The following TTLL3 variants were observed in gnomAD, a reference collection of about 807,000 sequenced individuals.
The protein encoded by TTLL3 is tubulin tyrosine ligase like 3.
Under a neutral mutation model 75.2 loss-of-function variants are expected in TTLL3, and 63 were observed. The observed-to-expected ratio is 0.84, with a 90% CI of 0.68 to 1.03. The LOEUF is 1.03. Among genes scored for constraint, TTLL3 ranks in the 50% least tolerant of loss-of-function variants. TTLL3 has a pLI of 0.00. For missense variants in TTLL3, 997 were observed against 1,069.9 expected (o/e 0.93, Z 0.95); for synonymous variants, 393 against 418.5 (o/e 0.94, Z 0.74).
At chr3:9,825,666 A>T (rs757473871) in intron 8 of TTLL3, 134 bp from the exon 9 acceptor site, 1 of 1,527,602 alleles carries the variant, frequency 6.5e-7, no homozygotes, top group Non-Finnish European at 8.9e-7. Flanking sequence ...GGAGGGACCT[A>T]TGGATATCTG....
chr3:9,835,739 C>T lies in TTLL3; in HGVS notation c.*250C>T. On this transcript the variant is annotated 3_prime_UTR_variant, in exon 14 of 14. Coordinates refer to ENST00000685419, the MANE Select transcript of TTLL3 (RefSeq NM_001387446.1). ...CTGGGAGCCCCCCAACCCCAGAGAACAAGCCAAGCTAGCAGAATGACACCT... is the reference window on the plus strand; with the variant it reads ...CTGGGAGCCCCCCAACCCCAGAGAATAAGCCAAGCTAGCAGAATGACACCT... 1 of 481,630 alleles carries T rather than the reference C, an allele frequency of 2.1e-6. No individual in the cohort carries two copies. The highest frequency in any genetic ancestry group is 3.6e-6 in the Non-Finnish European group (1 of 274,318). 29.8% of individuals were successfully genotyped at this position (481,630 alleles called of 1,614,324 possible).
rs1355839714 is a variant in TTLL3 at position 9,825,788 on chromosome 3, A to G, written c.855-12A>G. The G allele has an allele frequency of 1.2e-6, 2 of 1,613,716 alleles. No individual in the cohort carries two copies. The highest frequency in any genetic ancestry group is 2.7e-5 in the African/African-American group (2 of 74,778). ...GGTCCAGCCCTGCCCAAGTTCTATC[A>G]TTTCCCCACAGCGAAGGGGCAGAAC... On this transcript the variant is annotated splice_polypyrimidine_tract_variant and intron_variant, in intron 8 of 13. Transcript: ENST00000685419.
chr3:9,823,247 G>A (rs2080662647), intron 8 of TTLL3, among the ~76,000 whole-genome samples: 1 of 152,040 alleles, frequency 6.6e-6, no homozygotes, highest in Non-Finnish European at 1.5e-5. Flanking sequence ...AGCTGGGTGT[G>A]GTGGTGGGTG....
intron 5 of TTLL3, 118 bp downstream of exon 5, chr3:9,816,320 C>G (rs1039652061): frequency 9.0e-7 from 1 of 1,116,588 alleles, no homozygotes; most frequent in Non-Finnish European, 1.2e-6. Context: ...GGGAAGTATA[C>G]AATTCAGAAA....
intron 6 of TTLL3, chr3:9,818,000 GTT>G (rs1237246303): frequency 2.1e-6 from 1 of 470,296 alleles, no homozygotes; most frequent in Admixed American, 3.6e-5. Context: ...TCTAGAGCAG[GTT>G]CTAAAAGTTG....
chr3:9,821,973 A>C (rs2124857262), intron 8 of TTLL3, among the ~76,000 whole-genome samples: 1 of 145,280 alleles, frequency 6.9e-6, no homozygotes, highest in South Asian at 2.4e-4. Flanking sequence ...ACTGTACTCC[A>C]GCCTGGGTGA....
chr3:9,829,621 G>C (rs1169620394), intron 11 of TTLL3, among the ~76,000 whole-genome samples: 1 of 152,182 alleles, frequency 6.6e-6, no homozygotes, highest in Non-Finnish European at 1.5e-5. Context: ...ATGAATTCAT[G>C]TATGAGGATA....
intron 11 of TTLL3, among the ~76,000 whole-genome samples, chr3:9,830,624 G>A (rs894687220): frequency 1.3e-5 from 2 of 152,074 alleles, no homozygotes; most frequent in Admixed American, 6.6e-5. Flanking sequence ...AGGAAAATAT[G>A]AGCAAGCTGA....
chr3:9,826,725 C>CAAAAAAAAA (rs36060940), intron 9 of TTLL3, among the ~76,000 whole-genome samples: 1 of 75,240 alleles, frequency 1.3e-5, no homozygotes, highest in Non-Finnish European at 2.6e-5. Context: ...AGGGCTGTCT[C>CAAAAAAAAA]AAAAAAAAAA....
rs115785717 is a variant in TTLL3 at position 9,828,941 on chromosome 3, T to G, written c.1248-19T>G. On this transcript the variant is annotated intron_variant, in intron 10 of 13. Transcript: ENST00000685419. ...GAGACACAAGGGCCTGGACCTCAGT[T>G]TTCTGTTCTCTGCCCCAGCTCAGTG... is the stretch of plus-strand genomic sequence containing the variant. 2.4e-5 allele frequency: 38 copies of G among 1,612,864 alleles called. No individual in the cohort carries two copies. The highest frequency in any genetic ancestry group is 3.1e-5 in the Non-Finnish European group (37 of 1,179,050).
chr3:9,835,427 G>A lies in TTLL3; in HGVS notation c.2386G>A (p.Val796Ile), dbSNP rs762214823. Residue 796 changes from valine to isoleucine, a missense_variant, in exon 14 of 14, where the codon GTT (valine) becomes ATT (isoleucine). By Grantham distance (29) the Val-to-Ile change is conservative. Transcript: ENST00000685419. ...GTATTTGGGGCTTGACTCCATTGCT[G>A]TTGGAGGGTCAAGAGTGGATGGGGC... is the stretch of plus-strand genomic sequence containing the variant. ...VKYLGLDSIAVGGSRVDGARP... is the reference protein window; with the variant it reads ...VKYLGLDSIAIGGSRVDGARP... 1.9e-6 allele frequency: 3 copies of A among 1,612,760 alleles called. No homozygotes were observed. The highest frequency in any genetic ancestry group is 1.1e-5 in the South Asian group (1 of 90,984).
At chr3:9,833,528 G>A (rs11926325) in intron 12 of TTLL3, among the ~76,000 whole-genome samples, 133,538 of 152,192 alleles carry the variant, frequency 0.88, 58,804 homozygotes, top group Middle Eastern at 0.91. Flanking sequence ...AAGAACCCCC[G>A]GGCCCTGGGT....
Position 9,835,580 on chromosome 3 carries a change from T to G in TTLL3, c.*91T>G. The G allele has an allele frequency of 7.8e-7, 1 of 1,284,896 alleles. No homozygotes were observed. Among genetic ancestry groups the G allele is most frequent in the Non-Finnish European group, 1.1e-6 (1 of 940,370 alleles). 79.6% of individuals were successfully genotyped at this position (1,284,896 alleles called of 1,614,324 possible). ...CCTATTTAGGGACTCCCCCAGCATC[T>G]CCGATCCAGGGGTGGGGAGCGTGAG... is the stretch of plus-strand genomic sequence containing the variant. On this transcript the variant is annotated 3_prime_UTR_variant, in exon 14 of 14. Coordinates refer to ENST00000685419, the MANE Select transcript of TTLL3 (RefSeq NM_001387446.1).
chr3:9,810,519 GGAA>G lies in TTLL3; in HGVS notation c.-41-98_-41-96del. 3 of 1,472,088 alleles carry G rather than the reference GGAA, an allele frequency of 2.0e-6. No individual in the cohort carries two copies. The highest frequency in any genetic ancestry group is 2.7e-6 in the Non-Finnish European group (3 of 1,108,668). The allele number at this position is 1,472,088 out of a possible 1,614,324, so 91.2% of individuals were successfully genotyped here. On this transcript the variant is annotated intron_variant, in intron 1 of 13. Coordinates refer to ENST00000685419, the MANE Select transcript of TTLL3 (RefSeq NM_001387446.1). This position sits in a 1 kb window ranked among gnomAD's most constrained non-coding sequence, Gnocchi z 4.4. ...GGTGGGCATCTGGATGAAGGCAGGA[GGAA>G]GAAAAGAGGCGTGGCTATGGGCGGC...
At chr3:9,810,132 G>A, upstream of TTLL3, 2 of 1,471,552 alleles carry the variant, frequency 1.4e-6, no homozygotes, top group South Asian at 1.3e-5. The surrounding 1 kb of genome is among the most constrained non-coding windows in gnomAD (Gnocchi z 4.4). Context: ...AGCCGCAGCC[G>A]CTCGAGCCAC....
chr3:9,831,366 AG>A (rs1300153035), intron 11 of TTLL3, among the ~76,000 whole-genome samples: 1 of 152,216 alleles, frequency 6.6e-6, no homozygotes, highest in Non-Finnish European at 1.5e-5. Context: ...ACTAGAAGTT[AG>A]GTCAAATAGT....
rs773317292 is a variant in TTLL3, at chr3:9,813,297, C to T, written c.267C>T (p.Phe89=). The T allele has an allele frequency of 8.7e-6, 14 of 1,614,196 alleles. No homozygotes were observed. Among genetic ancestry groups the T allele is most frequent in the Middle Eastern group, 1.6e-4 (1 of 6,062 alleles). The change falls in exon 4 of 14, where the codon TTC becomes TTT. Residue 89 remains phenylalanine, a synonymous_variant. Transcript: ENST00000685419. The stretch of plus-strand genomic sequence containing the variant: ...TCCAGCCATCACAGCTGTTCGACTT[C>T]GATGATTTACTGAAATTTGATGACC... The part of the protein sequence containing the change: ...EEFQPSQLFD[F]DDLLKFDDLD...
Position 9,817,639 on chromosome 3 carries a change from C to T in TTLL3, c.445-6C>T, listed in dbSNP as rs745734243. On this transcript the variant is annotated splice_region_variant and splice_polypyrimidine_tract_variant and intron_variant, in intron 5 of 13. Transcript: ENST00000685419. ...TGCCCTGCCCTCTCAGTGGCTAACT[C>T]CGTAGGTGGGTCTATGTCTCAATCT... The T allele has an allele frequency of 5.0e-6, 8 of 1,614,006 alleles. No homozygotes were observed. The African/African-American group carries it at 9.3e-5, about 19-fold the overall frequency.
At chr3:9,815,226 A>C (rs1255491793) in intron 4 of TTLL3, among the ~76,000 whole-genome samples, 1 of 133,420 alleles carries the variant, frequency 7.5e-6, no homozygotes, top group Non-Finnish European at 1.6e-5. Context: ...GGGCGACAAG[A>C]GTCAGACTCC....
Sources: allele counts gnomAD v4.1 joint callset (sites outside exome capture counted in the v4.1 genomes callset), GRCh38; gene constraint gnomAD v4.1.1; non-coding constraint Gnocchi (gnomAD v3.1); transcripts MANE v1.5; gene names NCBI Gene and HGNC (gene_info 2026-07-23, HGNC 2026-07-21).